Variants in RRAGC observed in about 807,000 individuals in gnomAD.
RRAGC encodes Ras related GTP binding C, also known as ras-related GTP-binding protein C.
RRAGC carries 8 observed loss-of-function variants against 37.1 expected under a neutral mutation model. The observed-to-expected ratio is 0.22, with a 90% CI of 0.13 to 0.39. The LOEUF is 0.39. Among genes scored for constraint, RRAGC ranks in the 10% least tolerant of loss-of-function variants. The probability of loss-of-function intolerance (pLI) is 1.00; values close to 1 mark genes in which losing one functional copy is unlikely to be tolerated. For synonymous variants in RRAGC, 190 were observed against 181.1 expected (o/e 1.05, Z -0.39); for missense variants, 342 against 497.6 (o/e 0.69, Z 2.98).
rs1256985139 is a variant in RRAGC, at chr1:38,855,641, A to T, written c.641+67T>A. Reference sequence around the variant, plus strand: ...GGTAGCAGAAAGCTATGGTGTTTGTAATGACAGAGATGGGAATACATTTAC... The same window carrying T: ...GGTAGCAGAAAGCTATGGTGTTTGTTATGACAGAGATGGGAATACATTTAC... On this transcript the variant is annotated intron_variant, in intron 3 of 6. Coordinates refer to ENST00000373001, the MANE Select transcript of RRAGC (RefSeq NM_022157.4). 2.4e-6 allele frequency: 3 copies of T among 1,246,338 alleles called. No individual in the cohort carries two copies. The African/African-American group carries it at 4.4e-5, about 18-fold the overall frequency. 77.2% of individuals were successfully genotyped at this position (1,246,338 alleles called of 1,614,324 possible).
chr1:38,851,219 A>G (rs1420100061), intron 5 of RRAGC, among the ~76,000 whole-genome samples: 1 of 152,194 alleles, frequency 6.6e-6, no homozygotes, highest in Non-Finnish European at 1.5e-5. Context: ...AAGAATCCCT[A>G]ATTCCACAAA....
chr1:38,851,904 G>A, intron 4 of RRAGC, 147 bp from the exon 5 acceptor site: 1 of 626,058 alleles, frequency 1.6e-6, no homozygotes. Context: ...TTGCTTGAGA[G>A]ACTCTTCTAT....
At chr1:38,853,614 G>A (rs553042929) in intron 3 of RRAGC, among the ~76,000 whole-genome samples, 16 of 152,282 alleles carry the variant, frequency 1.1e-4, no homozygotes, top group African/African-American at 3.8e-4. Context: ...AGGCGTGGTG[G>A]CGCATGCCTG....
chr1:38,856,017 TATC>T (rs1642163085), intron 2 of RRAGC, 110 bp from the exon 3 acceptor site: 1 of 659,864 alleles, frequency 1.5e-6, no homozygotes, highest in Non-Finnish European at 2.6e-6. Flanking sequence ...CTATCCTAAT[TATC>T]ATCAATATTC....
rs1042021903 is a variant in RRAGC, at chr1:38,859,716, G to C, written c.-70C>G. The stretch of plus-strand genomic sequence containing the variant: ...GCCGAGCCAGGCCGCCGCCTCCCCA[G>C]TCCGCCTCCGCCGCCGCCGCCACCA... On this transcript the variant is annotated 5_prime_UTR_variant, in exon 1 of 7. Coordinates refer to ENST00000373001, the MANE Select transcript of RRAGC (RefSeq NM_022157.4). 24 of 1,206,646 alleles carry C rather than the reference G, an allele frequency of 2.0e-5. No individual in the cohort carries two copies. Among genetic ancestry groups the C allele is most frequent in the Non-Finnish European group, 2.4e-5 (23 of 956,938 alleles). The allele number at this position is 1,206,646 out of a possible 1,614,324, so 74.7% of individuals were successfully genotyped here. A position where few individuals can be genotyped will look rare whatever the true frequency, so the allele number is the denominator to read the frequency against.
chr1:38,853,299 G>A lies in RRAGC; in HGVS notation c.642-811C>T, dbSNP rs575230995. 5.3e-5 allele frequency among the ~76,000 whole-genome samples: 8 copies of A among 152,298 alleles called. No homozygotes were observed. The East Asian group carries it at 1.3e-3, about 26-fold the overall frequency. ...AACACATGTAGATTCAATAAAACAC[G>A]TATTTGAGAGGGAAGCCTTTAACAA... On this transcript the variant is annotated intron_variant, in intron 3 of 6. Transcript: ENST00000373001.
At chr1:38,850,420 A>G (rs1044672840) in intron 5 of RRAGC, among the ~76,000 whole-genome samples, 1 of 152,082 alleles carries the variant, frequency 6.6e-6, no homozygotes, top group Non-Finnish European at 1.5e-5. Flanking sequence ...AGGCTGAGGC[A>G]GGAAAGTGGC....
At chr1:38,851,532 C>T (rs1570866980) in intron 5 of RRAGC, 83 bp downstream of exon 5, 2 of 1,226,018 alleles carry the variant, frequency 1.6e-6, no homozygotes, top group East Asian at 2.8e-5. Flanking sequence ...TTGCCAGGGG[C>T]CTCAGAAATT....
intron 3 of RRAGC, among the ~76,000 whole-genome samples, chr1:38,853,199 G>A (rs1642121654): frequency 6.6e-6 from 1 of 152,184 alleles, no homozygotes; most frequent in Non-Finnish European, 1.5e-5. Flanking sequence ...TAAACAGGAT[G>A]GGAGTCGGGA....
intron 3 of RRAGC, among the ~76,000 whole-genome samples, chr1:38,852,914 C>T (rs1642117562): frequency 1.3e-5 from 2 of 152,232 alleles, no homozygotes; most frequent in South Asian, 4.1e-4. Context: ...CTTTCCAGAC[C>T]AGCCTACCTA....
At chr1:38,849,149 C>T (rs1180776491) in intron 5 of RRAGC, among the ~76,000 whole-genome samples, 1 of 150,716 alleles carries the variant, frequency 6.6e-6, no homozygotes, top group Non-Finnish European at 1.5e-5. Context: ...GTGTGGTGTG[C>T]GGCTGTAGTC....
rs753050234 is a variant in RRAGC at position 38,855,854 on chromosome 1, G to A, written c.495C>T (p.Tyr165=). Reference sequence around the variant, plus strand: ...CAAAATTCATGTCTGGGTTAACTTTGTAGGCTTTAGAAACAGTAATGTGAA... The same window carrying A: ...CAAAATTCATGTCTGGGTTAACTTTATAGGCTTTAGAAACAGTAATGTGAA... The part of the protein sequence containing the change: ...TRLHITVSKA[Y]KVNPDMNFEV... Residue 165 remains tyrosine (Y), a synonymous_variant, in exon 3 of 7, where the codon TAC becomes TAT. Transcript: ENST00000373001. 1.2e-6 allele frequency: 2 copies of A among 1,613,900 alleles called. No homozygotes were observed. Among genetic ancestry groups the A allele is most frequent in the Admixed American group, 3.3e-5 (2 of 60,018 alleles).
rs543566489 is a variant in RRAGC at position 38,852,069 on chromosome 1, A to G, written c.756+305T>C. 1.6e-4 allele frequency among the ~76,000 whole-genome samples: 24 copies of G among 152,368 alleles called. No homozygotes were observed. In the South Asian group the frequency reaches 4.6e-3, roughly 29 times the overall value. ...ATCTCTAAAAATCAAGCAATGCTAC[A>G]TTTTCAATAATCCTCTTATTAATAT... On this transcript the variant is annotated intron_variant, in intron 4 of 6. Transcript: ENST00000373001.
rs903341053 is a variant in RRAGC at position 38,839,533 on chromosome 1, C to T, written c.*20G>A. On this transcript the variant is annotated 3_prime_UTR_variant, in exon 7 of 7. Transcript: ENST00000373001. ...GAGTGAAGAGTAAGCTGGCACAGAG[C>T]CCCGACGCTGGGATTCAGACTAGAT... is the stretch of plus-strand genomic sequence containing the variant. 1.9e-6 allele frequency: 3 copies of T among 1,613,122 alleles called. No homozygotes were observed. The highest frequency in any genetic ancestry group is 1.3e-5 in the African/African-American group (1 of 74,952).
chr1:38,855,988 C>A, intron 2 of RRAGC, 81 bp from the exon 3 acceptor site: 1 of 895,278 alleles, frequency 1.1e-6, no homozygotes, highest in Non-Finnish European at 1.7e-6. Flanking sequence ...CCACCTCTTT[C>A]CCCAACCACA....
At chr1:38,852,148 T>C (rs1018909396) in intron 4 of RRAGC, among the ~76,000 whole-genome samples, 1 of 152,242 alleles carries the variant, frequency 6.6e-6, no homozygotes, top group Non-Finnish European at 1.5e-5. Flanking sequence ...TATGTGGCAA[T>C]TTACAAACCA....
intron 1 of RRAGC, among the ~76,000 whole-genome samples, chr1:38,857,356 A>G (rs889425847): frequency 1.3e-5 from 2 of 152,128 alleles, no homozygotes; most frequent in African/African-American, 4.8e-5. Context: ...AATCTCTATC[A>G]CCTCCATTAG....
In RRAGC at chr1:38,859,321, G is replaced by A; in HGVS notation, c.237+89C>T. 3.3e-6 allele frequency: 4 copies of A among 1,217,564 alleles called. No homozygotes were observed. The South Asian group carries it at 5.7e-5, about 17-fold the overall frequency. 75.4% of individuals were successfully genotyped at this position (1,217,564 alleles called of 1,614,324 possible). ...AGTGCGGAGGGACGGAGCGCAGGCG[G>A]GCCCCGGCCGCCGCCCTCCCGGGCG... is the stretch of plus-strand genomic sequence containing the variant. On this transcript the variant is annotated intron_variant, in intron 1 of 6. Transcript: ENST00000373001.
intron 3 of RRAGC, among the ~76,000 whole-genome samples, chr1:38,853,381 T>C (rs143948218): frequency 6.6e-5 from 10 of 152,312 alleles, no homozygotes; most frequent in African/African-American, 2.4e-4. Flanking sequence ...CAATCTTCAT[T>C]ATATAGTCGC....
Sources: allele counts gnomAD v4.1 joint callset (sites outside exome capture counted in the v4.1 genomes callset), GRCh38; gene constraint gnomAD v4.1.1; transcripts MANE v1.5; gene names NCBI Gene and HGNC (gene_info 2026-07-23, HGNC 2026-07-21).